The following LRRTM4 variants were observed in gnomAD, a reference collection of about 807,000 sequenced individuals.
LRRTM4 encodes leucine-rich repeat transmembrane neuronal protein 4.
LRRTM4 carries 25 observed loss-of-function variants against 47.6 expected under a neutral mutation model. That is an observed-to-expected ratio of 0.53 (90% CI 0.38 to 0.73). The LOEUF (loss-of-function observed/expected upper bound fraction) is 0.73, where lower values mean the gene tolerates loss of function less well. Ranked by LOEUF, LRRTM4 falls within the 30% of genes least tolerant of loss-of-function variation. LRRTM4 has a pLI of 0.00. For missense variants in LRRTM4, 638 were observed against 713.4 expected (o/e 0.89, Z 1.20); for synonymous variants, 311 against 269.5 (o/e 1.15, Z -1.51).
At chr2:77,337,118 C>T (rs532945662) in intron 3 of LRRTM4, among the ~76,000 whole-genome samples, 1 of 152,140 alleles carries the variant, frequency 6.6e-6, no homozygotes, top group Admixed American at 6.6e-5. Context: ...ATTACATTTA[C>T]AACAGACACA....
rs1409329989 is a variant in LRRTM4 at position 77,519,827 on chromosome 2, C to G, written c.42G>C (p.Val14=). ...HLITQLKGMS[V]VLVLLPTLLL... is the part of the protein sequence containing the mutation. ...GCAGTGTAGGAAGTAGCACCAGCACCACACTCATGCCTTTCAGCTGCGTAA... is the reference window on the plus strand; with the variant it reads ...GCAGTGTAGGAAGTAGCACCAGCACGACACTCATGCCTTTCAGCTGCGTAA... Residue 14 remains valine, a synonymous_variant, in exon 3 of 4, where the codon GTG becomes GTC. Coordinates refer to ENST00000409884, the MANE Select transcript of LRRTM4 (RefSeq NM_001134745.3). The surrounding 1 kb of genome is among the most constrained non-coding windows in gnomAD (Gnocchi z 4.6). 9.9e-6 allele frequency: 16 copies of G among 1,611,334 alleles called. No individual in the cohort carries two copies. Among genetic ancestry groups the G allele is most frequent in the Non-Finnish European group, 1.2e-5 (14 of 1,178,566 alleles).
At chr2:77,121,667 G>A (rs866720709) in intron 3 of LRRTM4, among the ~76,000 whole-genome samples, 2 of 151,826 alleles carry the variant, frequency 1.3e-5, no homozygotes, top group African/African-American at 4.8e-5. Flanking sequence ...GTACAACCAG[G>A]GATTCAGAAT....
chr2:77,021,922 C>T (rs1246128149), intron 3 of LRRTM4, among the ~76,000 whole-genome samples: 1 of 152,134 alleles, frequency 6.6e-6, no homozygotes, highest in Non-Finnish European at 1.5e-5. Context: ...TATCTTAGCT[C>T]CCTAGAATTT....
chr2:77,371,065 G>A (rs1573324499), intron 3 of LRRTM4, among the ~76,000 whole-genome samples: 2 of 151,674 alleles, frequency 1.3e-5, no homozygotes, highest in Non-Finnish European at 2.9e-5. Context: ...CAAATCAAAG[G>A]TGAGTCCCTC....
chr2:77,156,092 A>G (rs1672552785), intron 3 of LRRTM4, among the ~76,000 whole-genome samples: 1 of 152,076 alleles, frequency 6.6e-6, no homozygotes, highest in African/African-American at 2.4e-5. Flanking sequence ...CTCACTAGTA[A>G]ATAAAGTACT....
At chr2:77,082,081 T>A (rs1680551814) in intron 3 of LRRTM4, among the ~76,000 whole-genome samples, 1 of 152,172 alleles carries the variant, frequency 6.6e-6, no homozygotes, top group African/African-American at 2.4e-5. Flanking sequence ...TATTTAACTT[T>A]TTCTATCTTT....
chr2:77,467,276 T>G (rs920037691), intron 3 of LRRTM4, among the ~76,000 whole-genome samples: 4 of 152,098 alleles, frequency 2.6e-5, no homozygotes, highest in Non-Finnish European at 5.9e-5. Flanking sequence ...ATTATCAGTT[T>G]GGAATGACCA....
At chr2:77,299,860 T>TG (rs1181034165) in intron 3 of LRRTM4, among the ~76,000 whole-genome samples, 1 of 149,718 alleles carries the variant, frequency 6.7e-6, no homozygotes, top group African/African-American at 2.5e-5. Context: ...TTTTTTTTTT[T>TG]TTTTTTTTTT....
At position 77,097,736 on chromosome 2, in the gene LRRTM4, A is replaced by G. The variant is rs1423386412; in HGVS notation, c.1552-348820T>C. On this transcript the variant is annotated intron_variant, in intron 3 of 3. Transcript: ENST00000409884. ...GATGTTCATTGTTGTGGGGAAAAACATGTGTGAAAATCAATTATCCAAGCA... is the reference window on the plus strand; with the variant it reads ...GATGTTCATTGTTGTGGGGAAAAACGTGTGTGAAAATCAATTATCCAAGCA... Among the ~76,000 whole-genome samples, 8 of 151,962 alleles carry G rather than the reference A, an allele frequency of 5.3e-5. No individual in the cohort carries two copies. The East Asian group carries it at 1.5e-3, about 29-fold the overall frequency.
chr2:77,313,104 C>T (rs1440628747), intron 3 of LRRTM4, among the ~76,000 whole-genome samples: 1 of 152,094 alleles, frequency 6.6e-6, no homozygotes, highest in African/African-American at 2.4e-5. Flanking sequence ...GCAAAAACAG[C>T]CTGCTGGGAC....
intron 3 of LRRTM4, among the ~76,000 whole-genome samples, chr2:77,066,115 C>T (rs1325059642): frequency 6.6e-6 from 1 of 152,126 alleles, no homozygotes; most frequent in Non-Finnish European, 1.5e-5. Flanking sequence ...ATACTAAGAA[C>T]TCACTCTAGT....
At chr2:76,806,255 T>A (rs987723262) in intron 3 of LRRTM4, among the ~76,000 whole-genome samples, 3 of 152,130 alleles carry the variant, frequency 2.0e-5, no homozygotes, top group African/African-American at 7.2e-5. Context: ...TTAGAAGATG[T>A]CATTTTGAAC....
At chr2:77,016,641 G>C (rs147746478) in intron 3 of LRRTM4, among the ~76,000 whole-genome samples, 5 of 152,080 alleles carry the variant, frequency 3.3e-5, no homozygotes, top group African/African-American at 9.7e-5. Context: ...AAACAAGGCA[G>C]AACATTTTGC....
chr2:77,010,430 C>T (rs1288833993), intron 3 of LRRTM4, among the ~76,000 whole-genome samples: 2 of 149,970 alleles, frequency 1.3e-5, no homozygotes, highest in East Asian at 3.9e-4. Context: ...ATAATGTCTT[C>T]CTGGTTGATC....
At chr2:76,838,790 G>A (rs1215611790) in intron 3 of LRRTM4, among the ~76,000 whole-genome samples, 2 of 152,076 alleles carry the variant, frequency 1.3e-5, no homozygotes, top group Non-Finnish European at 2.9e-5. Flanking sequence ...GTTAATAACA[G>A]CTCATGGATG....
intron 3 of LRRTM4, among the ~76,000 whole-genome samples, chr2:77,252,414 G>A (rs1479985651): frequency 2.0e-5 from 3 of 152,134 alleles, no homozygotes; most frequent in African/African-American, 7.2e-5. Context: ...CAGGAGCCAT[G>A]CCCTAACCAA....
At chr2:77,330,796 GA>G (rs1358383927) in intron 3 of LRRTM4, among the ~76,000 whole-genome samples, 2 of 151,796 alleles carry the variant, frequency 1.3e-5, no homozygotes, top group African/African-American at 4.8e-5. Flanking sequence ...CTATTAATTT[GA>G]AAAAATAAAA....
chr2:77,322,291 T>C (rs190767369), intron 3 of LRRTM4, among the ~76,000 whole-genome samples: 2 of 152,240 alleles, frequency 1.3e-5, no homozygotes, highest in East Asian at 3.9e-4. Context: ...AATATCACTG[T>C]GTTATTTCAC....
rs59130794 is a variant in LRRTM4 at position 77,020,889 on chromosome 2, T to G, written c.1552-271973A>C. 2.7e-3 allele frequency among the ~76,000 whole-genome samples: 405 copies of G among 152,280 alleles called. 1 individual carries two copies. Among genetic ancestry groups the G allele is most frequent in the African/African-American group, 9.5e-3 (396 of 41,552 alleles). ...TGGATTGGGGAGTACTGAGAAAATA[T>G]ACCAAACTATTTTCAGAATTGTTAT... On this transcript the variant is annotated intron_variant, in intron 3 of 3. Transcript: ENST00000409884.
Sources: gnomAD v4.1 joint callset for allele counts (sites outside exome capture counted in the v4.1 genomes callset) on GRCh38, gnomAD v4.1.1 for gene constraint, Gnocchi (gnomAD v3.1) non-coding constraint, MANE v1.5 for transcripts, NCBI Gene and HGNC (gene_info 2026-07-23, HGNC 2026-07-21) for gene names.